Variants in CCDC88C observed in about 807,000 individuals in gnomAD.
The protein encoded by CCDC88C is protein Daple.
Under a neutral mutation model 198.8 loss-of-function variants are expected in CCDC88C, and 131 were observed. That is an observed-to-expected ratio of 0.66 (90% CI 0.57 to 0.76). The LOEUF (loss-of-function observed/expected upper bound fraction) is 0.76, where lower values mean the gene tolerates loss of function less well. Ranked by LOEUF, CCDC88C falls within the 30% of genes least tolerant of loss-of-function variation. CCDC88C has a pLI of 0.00. For synonymous variants in CCDC88C, 1,166 were observed against 1,114.7 expected (o/e 1.05, Z -0.92); for missense variants, 2,553 against 2,631.6 (o/e 0.97, Z 0.65).
chr14:91,359,999 TA>T (rs1483940868), intron 3 of CCDC88C, among the ~76,000 whole-genome samples: 2 of 152,092 alleles, frequency 1.3e-5, no homozygotes, highest in African/African-American at 4.8e-5. Flanking sequence ...AAATGAAAGC[TA>T]AAGTTATGTC....
intron 4 of CCDC88C, among the ~76,000 whole-genome samples, chr14:91,350,318 G>A (rs990309601): frequency 4.6e-5 from 7 of 151,942 alleles, no homozygotes; most frequent in Admixed American, 1.3e-4. Context: ...CCACCACCAC[G>A]CCTGGCTAAT....
In CCDC88C at chr14:91,305,819, G is replaced by A. The variant is rs183436254; in HGVS notation, c.3303C>T (p.Ser1101=). The A allele has an allele frequency of 4.4e-5, 71 of 1,613,822 alleles. No homozygotes were observed. Among genetic ancestry groups the A allele is most frequent in the Admixed American group, 4.0e-4 (24 of 60,020 alleles). Residue 1101 remains serine, a synonymous_variant, in exon 19 of 30, where the codon AGC becomes AGT. Coordinates refer to ENST00000389857, the MANE Select transcript of CCDC88C (RefSeq NM_001080414.4). ...SSQILTLQKQ[S]AFLQEHNTTL... ...TGGTGTTGTGCTCCTGCAGGAAGGCGCTCTGTTTCTGCAGTGTCAAGATCT... is the reference window on the plus strand; with the variant it reads ...TGGTGTTGTGCTCCTGCAGGAAGGCACTCTGTTTCTGCAGTGTCAAGATCT...
rs765211992 is a variant in CCDC88C, at chr14:91,297,268, TCCCTGTCTC to T, written c.3966+28_3966+36del. 5.0e-6 allele frequency: 8 copies of T among 1,596,816 alleles called. No homozygotes were observed. In the South Asian group the frequency reaches 9.0e-5, roughly 18 times the overall value. ...CTGGGCTGTCCCCTTGGGGGACTCATCCCTGTCTCCCGAGGCTCCCCTGGCGCTGGCCTC... is the reference window on the plus strand; with the variant it reads ...CTGGGCTGTCCCCTTGGGGGACTCATCCGAGGCTCCCCTGGCGCTGGCCTC... On this transcript the variant is annotated intron_variant, in intron 22 of 29. Transcript: ENST00000389857.
intron 17 of CCDC88C, among the ~76,000 whole-genome samples, chr14:91,308,037 G>A (rs1046863375): frequency 7.2e-5 from 11 of 152,250 alleles, no homozygotes; most frequent in Non-Finnish European, 1.2e-4. Context: ...GTGAGACTCT[G>A]CAGGCCGTTG....
At chr14:91,321,779 C>T (rs79101316) in intron 12 of CCDC88C, among the ~76,000 whole-genome samples, 4,969 of 152,276 alleles carry the variant, frequency 0.033, 260 homozygotes, top group African/African-American at 0.11. Context: ...GAACATGTGT[C>T]GGGCACTTGT....
intron 3 of CCDC88C, among the ~76,000 whole-genome samples, chr14:91,369,609 G>C (rs1894692324): frequency 6.6e-6 from 1 of 152,118 alleles, no homozygotes; most frequent in Admixed American, 6.5e-5. Context: ...GCAGTGGTTT[G>C]TCCTTGCTGC....
At chr14:91,346,144 G>A (rs555765667) in intron 4 of CCDC88C, among the ~76,000 whole-genome samples, 9 of 152,334 alleles carry the variant, frequency 5.9e-5, no homozygotes, top group African/African-American at 2.2e-4. Flanking sequence ...CTGGGTATAA[G>A]TAGTGAATGA....
In CCDC88C at chr14:91,313,447, C is replaced by T. The variant is rs867793439; in HGVS notation, c.2369G>A (p.Gly790Asp). Reference sequence around the variant, plus strand: ...CGCCTGGCGCTCAGCCTCCAGCTCGCCCAGCTCACTCTCCAAGGTCTGCGT... The same window carrying T: ...CGCCTGGCGCTCAGCCTCCAGCTCGTCCAGCTCACTCTCCAAGGTCTGCGT... The part of the protein sequence containing the change: ...HKTQTLESEL[G>D]ELEAERQALR... Residue 790 changes from glycine to aspartate, a missense_variant, in exon 15 of 30, where the codon GGC (glycine) becomes GAC (aspartate). Transcript: ENST00000389857. This position sits in a 1 kb window ranked among gnomAD's most constrained non-coding sequence, Gnocchi z 5.2. 2 of 1,607,546 alleles carry T rather than the reference C, an allele frequency of 1.2e-6. No homozygotes were observed. The highest frequency in any genetic ancestry group is 8.5e-7 in the Non-Finnish European group (1 of 1,179,640).
At chr14:91,345,190 A>ATATATATATTTTTT (rs1246878587) in intron 4 of CCDC88C, among the ~76,000 whole-genome samples, 13 of 52,198 alleles carry the variant, frequency 2.5e-4, no homozygotes, top group African/African-American at 9.4e-4. Flanking sequence ...ATATATATAT[A>ATATATATATTTTTT]TTTTTTTTTT....
chr14:91,387,260 A>C (rs1885200931), intron 3 of CCDC88C, among the ~76,000 whole-genome samples: 2 of 152,162 alleles, frequency 1.3e-5, no homozygotes, highest in Admixed American at 1.3e-4. Context: ...CAAGGGGCTG[A>C]GCTGTGTTAC....
At position 91,334,789 on chromosome 14, in the gene CCDC88C, G is replaced by A. The variant is rs577957012; in HGVS notation, c.1050+3216C>T. On this transcript the variant is annotated intron_variant, in intron 10 of 29. Transcript: ENST00000389857. ...CACTCAGCACTGGAGGGAGTGACTGGCCCAGGCATCTGCCACCGGGGGCAA... is the reference window on the plus strand; with the variant it reads ...CACTCAGCACTGGAGGGAGTGACTGACCCAGGCATCTGCCACCGGGGGCAA... Among the ~76,000 whole-genome samples, 55 of 152,254 alleles carry A rather than the reference G, an allele frequency of 3.6e-4. No individual in the cohort carries two copies. In the South Asian group the frequency reaches 0.011, roughly 31 times the overall value.
intron 10 of CCDC88C, among the ~76,000 whole-genome samples, chr14:91,328,219 T>C (rs762886116): frequency 1.3e-5 from 2 of 152,186 alleles, no homozygotes; most frequent in Non-Finnish European, 2.9e-5. Flanking sequence ...GAACAGAAGA[T>C]TTCTAACTGC....
chr14:91,294,605 T>G (rs1277750859), intron 22 of CCDC88C, among the ~76,000 whole-genome samples: 1 of 152,252 alleles, frequency 6.6e-6, no homozygotes, highest in Non-Finnish European at 1.5e-5. Context: ...CAGCAGATTT[T>G]GAAGGCTTAG....
At chr14:91,308,138 C>T (rs561229398) in intron 17 of CCDC88C, among the ~76,000 whole-genome samples, 7 of 152,296 alleles carry the variant, frequency 4.6e-5, no homozygotes, top group African/African-American at 7.2e-5. Flanking sequence ...GGCCACTGCC[C>T]GCCTCCCCGC....
chr14:91,285,560 AG>A (rs1195566240), intron 25 of CCDC88C: 1 of 1,008,234 alleles, frequency 9.9e-7, no homozygotes, highest in African/African-American at 1.7e-5. Flanking sequence ...GGGCAGGAGG[AG>A]GGGTCCGCTA....
chr14:91,325,976 G>T lies in CCDC88C; in HGVS notation c.1131C>A (p.Gly377=). The T allele has an allele frequency of 6.3e-7, 1 of 1,582,752 alleles. No homozygotes were observed. The highest frequency in any genetic ancestry group is 8.6e-7 in the Non-Finnish European group (1 of 1,163,594). ...CCTTTTCCAGCTCATGGACTTTATC[G>T]CCCCGGGCCCGAGCAGCAGTCAGCT... ...EEQLTAARAR[G]DKVHELEKEN... Residue 377 remains glycine (G), a synonymous_variant, in exon 11 of 30, where the codon GGC becomes GGA. Transcript: ENST00000389857. This position sits in a 1 kb window ranked among gnomAD's most constrained non-coding sequence, Gnocchi z 4.1.
At chr14:91,349,495 A>C (rs1893690417) in intron 4 of CCDC88C, among the ~76,000 whole-genome samples, 1 of 152,208 alleles carries the variant, frequency 6.6e-6, no homozygotes, top group Admixed American at 6.5e-5. Context: ...TTATAAAACG[A>C]CGTGAATTTC....
intron 3 of CCDC88C, among the ~76,000 whole-genome samples, chr14:91,398,362 T>C (rs184456071): frequency 1.3e-5 from 2 of 152,322 alleles, no homozygotes; most frequent in Non-Finnish European, 2.9e-5. Context: ...ACTGAGCTTG[T>C]AACACCAACA....
rs770658482 is a variant in CCDC88C at position 91,279,327 on chromosome 14, T to C, written c.4700-21A>G. ...CGACACTGAAAGGAAATGGCAGTGT[T>C]AAAATTAAAAAGCCAATGACCAGGT... is the stretch of plus-strand genomic sequence containing the variant. On this transcript the variant is annotated intron_variant, in intron 27 of 29. Coordinates refer to ENST00000389857, the MANE Select transcript of CCDC88C (RefSeq NM_001080414.4). 2.5e-6 allele frequency: 4 copies of C among 1,575,624 alleles called. No individual in the cohort carries two copies. In the East Asian group the frequency reaches 9.1e-5, roughly 36 times the overall value.
Sources: gnomAD v4.1 joint callset for allele counts (sites outside exome capture counted in the v4.1 genomes callset) on GRCh38, gnomAD v4.1.1 for gene constraint, Gnocchi (gnomAD v3.1) non-coding constraint, MANE v1.5 for transcripts, NCBI Gene and HGNC (gene_info 2026-07-23, HGNC 2026-07-21) for gene names.